Variants in RNFT2 observed in about 807,000 individuals in gnomAD.
RNFT2 encodes the protein E3 ubiquitin-protein ligase RNFT2.
Under a neutral mutation model 53.0 loss-of-function variants are expected in RNFT2, and 36 were observed. The ratio of observed to expected loss-of-function variants is 0.68; its 90% CI spans 0.52 to 0.90. RNFT2 has a LOEUF of 0.90. Ranked by LOEUF, RNFT2 falls within the 40% of genes least tolerant of loss-of-function variation. The probability of loss-of-function intolerance (pLI) is 0.00; values close to 1 mark genes in which losing one functional copy is unlikely to be tolerated. For missense variants in RNFT2, 514 were observed against 585.6 expected (o/e 0.88, Z 1.26); for synonymous variants, 260 against 253.2 (o/e 1.03, Z -0.26).
chr12:116,846,709 ATTCTT>A (rs1266963688), intron 10 of RNFT2, among the ~76,000 whole-genome samples: 1 of 152,032 alleles, frequency 6.6e-6, no homozygotes, highest in Non-Finnish European at 1.5e-5. Flanking sequence ...AAACTCTTCT[ATTCTT>A]CATCCAGATT....
At chr12:116,757,252 T>C (rs1872545186) in intron 5 of RNFT2, among the ~76,000 whole-genome samples, 2 of 152,144 alleles carry the variant, frequency 1.3e-5, no homozygotes, top group African/African-American at 4.8e-5. Context: ...TCTATCAGTT[T>C]TATTTATCTT....
chr12:116,782,402 C>T (rs1873756042), intron 7 of RNFT2, among the ~76,000 whole-genome samples: 2 of 151,962 alleles, frequency 1.3e-5, no homozygotes, highest in South Asian at 2.1e-4. Flanking sequence ...TGACACATGC[C>T]TGCAGTCCCA....
intron 4 of RNFT2, among the ~76,000 whole-genome samples, chr12:116,751,590 G>C (rs185353736): frequency 6.6e-6 from 1 of 151,742 alleles, no homozygotes; most frequent in Non-Finnish European, 1.5e-5. Context: ...TTTTTAGTAG[G>C]GACGGGGTTT....
chr12:116,781,805 G>A (rs1050210986), intron 7 of RNFT2, among the ~76,000 whole-genome samples: 1 of 151,976 alleles, frequency 6.6e-6, no homozygotes, highest in Non-Finnish European at 1.5e-5. Flanking sequence ...GGCTGGGCAC[G>A]GTGGCTCACG....
At chr12:116,767,566 G>A (rs1872974061) in intron 6 of RNFT2, among the ~76,000 whole-genome samples, 1 of 147,016 alleles carries the variant, frequency 6.8e-6, no homozygotes, top group African/African-American at 2.7e-5. Context: ...TAAAAATTAT[G>A]TTTTTTTTTT....
At chr12:116,781,454 A>T (rs1045104574) in intron 7 of RNFT2, among the ~76,000 whole-genome samples, 2 of 152,090 alleles carry the variant, frequency 1.3e-5, no homozygotes, top group African/African-American at 4.8e-5. Context: ...AAGCAACATT[A>T]ATTTATTATC....
chr12:116,797,538 CA>C (rs200259830), intron 7 of RNFT2, among the ~76,000 whole-genome samples: 1,401 of 130,812 alleles, frequency 0.011, 15 homozygotes, highest in African/African-American at 0.025. Context: ...CTGTCTATCT[CA>C]AAAAAAAAAA....
Position 116,754,027 on chromosome 12 carries a change from C to G in RNFT2, c.594C>G (p.Ala198=), listed in dbSNP as rs755220130. The part of the protein sequence containing the change: ...CIGMASTFAY[A]NSTLREQVSL... ...GGATGGCCAGCACCTTCGCCTATGC[C>G]AACTCCACGCTTCGAGAACAGGTCT... The change falls in exon 5 of 11, where the codon GCC becomes GCG. Residue 198 remains alanine (A), a synonymous_variant. Coordinates refer to ENST00000257575, the MANE Select transcript of RNFT2 (RefSeq NM_001382266.1). 1.9e-6 allele frequency: 3 copies of G among 1,613,778 alleles called. No individual in the cohort carries two copies. Among genetic ancestry groups the G allele is most frequent in the Admixed American group, 3.3e-5 (2 of 59,994 alleles).
chr12:116,802,729 G>T (rs1874857902), intron 7 of RNFT2, among the ~76,000 whole-genome samples: 1 of 152,186 alleles, frequency 6.6e-6, no homozygotes, highest in African/African-American at 2.4e-5. Context: ...CTCCAGATCT[G>T]GGAGAGAATA....
At chr12:116,837,272 C>A (rs1877026181) in intron 10 of RNFT2, among the ~76,000 whole-genome samples, 1 of 152,074 alleles carries the variant, frequency 6.6e-6, no homozygotes, top group South Asian at 2.1e-4. Context: ...AGATCCCGTC[C>A]CCTCCTCTGG....
chr12:116,752,316 T>A (rs936313735), intron 4 of RNFT2, among the ~76,000 whole-genome samples: 1 of 152,190 alleles, frequency 6.6e-6, no homozygotes, highest in Non-Finnish European at 1.5e-5. Context: ...TGCTGCCCTA[T>A]CAGCCCCACC....
intron 3 of RNFT2, among the ~76,000 whole-genome samples, chr12:116,747,143 A>G (rs1226651727): frequency 6.6e-6 from 1 of 152,060 alleles, no homozygotes; most frequent in Non-Finnish European, 1.5e-5. Flanking sequence ...TGCAACCTCC[A>G]CCTCCTGGGC....
intron 10 of RNFT2, among the ~76,000 whole-genome samples, chr12:116,840,303 A>G (rs550301879): frequency 1.3e-5 from 2 of 152,304 alleles, no homozygotes; most frequent in South Asian, 4.1e-4. Context: ...TACCCTATTT[A>G]ATAGAGACAA....
At chr12:116,825,410 G>A (rs1876274085) in intron 7 of RNFT2, among the ~76,000 whole-genome samples, 1 of 152,198 alleles carries the variant, frequency 6.6e-6, no homozygotes, top group Non-Finnish European at 1.5e-5. Context: ...TCTAAAATAA[G>A]GCAGCAGTAA....
In RNFT2 at chr12:116,835,944, C is replaced by T; in HGVS notation, c.1033-16C>T. The T allele has an allele frequency of 6.2e-7, 1 of 1,613,930 alleles. No homozygotes were observed. The highest frequency in any genetic ancestry group is 8.5e-7 in the Non-Finnish European group (1 of 1,179,856). On this transcript the variant is annotated splice_polypyrimidine_tract_variant and intron_variant, in intron 8 of 10. Transcript: ENST00000257575. ...TCCTTGGGTACATTTCAGCCACCACCCTGCTCTCCTTTCAGTCCTTCGACA... is the reference window on the plus strand; with the variant it reads ...TCCTTGGGTACATTTCAGCCACCACTCTGCTCTCCTTTCAGTCCTTCGACA...
chr12:116,806,389 TATATATATATAG>T (rs1875069696), intron 7 of RNFT2, among the ~76,000 whole-genome samples: 22 of 82,926 alleles, frequency 2.7e-4, no homozygotes, highest in African/African-American at 7.0e-4. Context: ...AAAATATATA[TATATATATATAG>T]ATAGATAGAT....
chr12:116,755,783 A>G, intron 5 of RNFT2: 2 of 1,527,424 alleles, frequency 1.3e-6, no homozygotes, highest in Non-Finnish European at 1.8e-6. Context: ...ATAGATTCAC[A>G]TATACATGGC....
intron 7 of RNFT2, among the ~76,000 whole-genome samples, chr12:116,796,213 C>T (rs990395326): frequency 6.6e-6 from 1 of 151,998 alleles, no homozygotes; most frequent in Non-Finnish European, 1.5e-5. Flanking sequence ...CCAGCCTCTC[C>T]AGTGGTCATT....
chr12:116,771,696 C>T (rs919541354), intron 6 of RNFT2, among the ~76,000 whole-genome samples: 2 of 151,996 alleles, frequency 1.3e-5, no homozygotes, highest in African/African-American at 4.8e-5. Context: ...ATACATGTCC[C>T]ATGATGTGGG....
Sources: allele counts gnomAD v4.1 joint callset (sites outside exome capture counted in the v4.1 genomes callset), GRCh38; gene constraint gnomAD v4.1.1; transcripts MANE v1.5; gene names NCBI Gene and HGNC (gene_info 2026-07-23, HGNC 2026-07-21).